ULK4: variants seen among roughly 807,000 people sequenced by gnomAD.
ULK4 encodes unc-51 like kinase 4.
A neutral mutation model predicts 160.6 loss-of-function variants in ULK4; 133 were observed. That is an observed-to-expected ratio of 0.83 (90% CI 0.72 to 0.96). ULK4 has a LOEUF of 0.96. Ranked by LOEUF, ULK4 falls within the 40% of genes least tolerant of loss-of-function variation. The pLI, the probability that ULK4 is intolerant of heterozygous loss-of-function variation, is 0.00. For missense variants in ULK4, 1,580 were observed against 1,499.5 expected (o/e 1.05, Z -0.89); for synonymous variants, 534 against 539.8 (o/e 0.99, Z 0.15).
At chr3:41,350,252 T>A (rs1240109475) in intron 35 of ULK4, among the ~76,000 whole-genome samples, 3 of 152,216 alleles carry the variant, frequency 2.0e-5, no homozygotes, top group African/African-American at 4.8e-5. Flanking sequence ...GCTTTTGATT[T>A]TGTTCTTGTA....
intron 32 of ULK4, among the ~76,000 whole-genome samples, chr3:41,507,178 CAAAAAAAAAAAAA>C (rs149739568): frequency 9.7e-5 from 8 of 82,128 alleles, no homozygotes; most frequent in African/African-American, 3.7e-4. Flanking sequence ...TAACCAGGAG[CAAAAAAAAAAAAA>C]AAAAAAAAAG....
chr3:41,535,275 G>T (rs956298312), intron 32 of ULK4, among the ~76,000 whole-genome samples: 1 of 152,178 alleles, frequency 6.6e-6, no homozygotes, highest in Non-Finnish European at 1.5e-5. Flanking sequence ...GAGAGCAGTG[G>T]CTGATGCACT....
At chr3:41,661,002 A>G (rs1188941677) in intron 30 of ULK4, among the ~76,000 whole-genome samples, 1 of 152,184 alleles carries the variant, frequency 6.6e-6, no homozygotes, top group Non-Finnish European at 1.5e-5. Flanking sequence ...ATAAAATTGT[A>G]TAAATTTTAT....
At chr3:41,835,639 A>G (rs1268916140) in intron 18 of ULK4, among the ~76,000 whole-genome samples, 4 of 152,204 alleles carry the variant, frequency 2.6e-5, no homozygotes, top group Non-Finnish European at 5.9e-5. Context: ...CCTACATTCT[A>G]AAGGAAAAGA....
chr3:41,455,741 A>C, intron 33 of ULK4, 146 bp from the exon 34 acceptor site: 1 of 658,172 alleles, frequency 1.5e-6, no homozygotes, highest in South Asian at 1.9e-5. Context: ...TGGAGGCCCC[A>C]GAAGAGATAC....
At chr3:41,408,270 T>TA (rs907374299) in intron 34 of ULK4, among the ~76,000 whole-genome samples, 6 of 149,652 alleles carry the variant, frequency 4.0e-5, no homozygotes, top group South Asian at 4.3e-4. Flanking sequence ...CTACTAAAAA[T>TA]AAAAAAAATT....
chr3:41,839,802 G>A (rs777444523), intron 17 of ULK4, among the ~76,000 whole-genome samples: 1 of 151,896 alleles, frequency 6.6e-6, no homozygotes, highest in Admixed American at 6.6e-5. Flanking sequence ...TAAACACATG[G>A]AAACTGAAAT....
At chr3:41,821,857 T>G (rs989530390) in intron 18 of ULK4, among the ~76,000 whole-genome samples, 3 of 152,088 alleles carry the variant, frequency 2.0e-5, no homozygotes, top group African/African-American at 7.2e-5. Context: ...TATAAAAAGC[T>G]CTTGCTGAGT....
At chr3:41,396,912 A>G (rs149506033) in intron 35 of ULK4, among the ~76,000 whole-genome samples, 42 of 152,242 alleles carry the variant, frequency 2.8e-4, no homozygotes, top group Non-Finnish European at 5.4e-4. Context: ...ATGGCAGTGA[A>G]GGAGTCAATC....
intron 14 of ULK4, among the ~76,000 whole-genome samples, chr3:41,897,705 AC>A (rs920398567): frequency 4.3e-4 from 65 of 152,256 alleles, no homozygotes; most frequent in African/African-American, 1.5e-3. Flanking sequence ...CCTTTCAAAA[AC>A]GTCCTTCTAC....
chr3:41,535,976 G>A (rs1338547038), intron 32 of ULK4, among the ~76,000 whole-genome samples: 1 of 152,128 alleles, frequency 6.6e-6, no homozygotes, highest in Non-Finnish European at 1.5e-5. Context: ...CTCTACTCAT[G>A]CTGCAGCAAG....
chr3:41,419,519 C>G lies in ULK4; in HGVS notation c.3493-21255G>C, dbSNP rs1311940880. On this transcript the variant is annotated intron_variant, in intron 34 of 36. Coordinates refer to ENST00000301831, the MANE Select transcript of ULK4 (RefSeq NM_017886.4). ...AAGCATAGACACCATGGAAAGCAAG[C>G]AGCTGAATGACATCACTTGTGGTGA... Among the ~76,000 whole-genome samples the G allele has an allele frequency of 1.2e-4, 18 of 152,270 alleles. No individual in the cohort carries two copies. The East Asian group carries it at 2.9e-3, about 25-fold the overall frequency.
intron 2 of ULK4, among the ~76,000 whole-genome samples, chr3:41,948,631 A>G (rs1380322399): frequency 6.6e-6 from 1 of 152,052 alleles, no homozygotes; most frequent in African/African-American, 2.4e-5. Context: ...TGAACATACG[A>G]AAATGTAATA....
In ULK4 at chr3:41,616,588, C is replaced by T. The variant is rs373010488; in HGVS notation, c.3072-871G>A. Among the ~76,000 whole-genome samples the T allele has an allele frequency of 3.1e-3, 465 of 152,278 alleles. 7 individuals are homozygous for T. The South Asian group carries it at 0.043, about 14-fold the overall frequency. The stretch of plus-strand genomic sequence containing the variant: ...CCAAGGAAAGCTGTGAGGAACTGTG[C>T]TACCCGGCCTGGTTACTACGCTTTT... On this transcript the variant is annotated intron_variant, in intron 30 of 36. Coordinates refer to ENST00000301831, the MANE Select transcript of ULK4 (RefSeq NM_017886.4).
chr3:41,371,995 C>A (rs2081378751), intron 35 of ULK4, among the ~76,000 whole-genome samples: 1 of 151,650 alleles, frequency 6.6e-6, no homozygotes. Context: ...CTTCGTGAAG[C>A]ATACACAAGT....
intron 35 of ULK4, among the ~76,000 whole-genome samples, chr3:41,279,144 C>G (rs1164054237): frequency 6.6e-6 from 1 of 150,676 alleles, no homozygotes; most frequent in Non-Finnish European, 1.5e-5. Flanking sequence ...AACTTCGTGA[C>G]GCATGCACGA....
intron 12 of ULK4, among the ~76,000 whole-genome samples, chr3:41,903,575 ACT>A (rs1559640020): frequency 7.8e-6 from 1 of 128,056 alleles, no homozygotes; most frequent in Non-Finnish European, 1.7e-5. Flanking sequence ...ACAGAGCGAG[ACT>A]CTGTCTCAAA....
At chr3:41,389,954 C>T (rs530890894) in intron 35 of ULK4, among the ~76,000 whole-genome samples, 17 of 152,262 alleles carry the variant, frequency 1.1e-4, no homozygotes, top group South Asian at 1.0e-3. Flanking sequence ...ATGGTACCAG[C>T]TCCTCCTTGT....
At chr3:41,868,811 C>T (rs2125691074) in intron 17 of ULK4, among the ~76,000 whole-genome samples, 1 of 151,840 alleles carries the variant, frequency 6.6e-6, no homozygotes. Context: ...TTTTTTTTCC[C>T]CCCCAATATG....
Sources: allele counts gnomAD v4.1 joint callset (sites outside exome capture counted in the v4.1 genomes callset), GRCh38; gene constraint gnomAD v4.1.1; transcripts MANE v1.5; gene names NCBI Gene and HGNC (gene_info 2026-07-23, HGNC 2026-07-21).